The following RSU1 variants were observed in gnomAD, a reference collection of about 807,000 sequenced individuals.
RSU1 encodes the protein rsu-1.
RSU1 carries 26 observed loss-of-function variants against 31.1 expected under a neutral mutation model. That is an observed-to-expected ratio of 0.84 (90% confidence interval 0.61 to 1.16). RSU1 has a LOEUF of 1.16. Among genes scored for constraint, RSU1 ranks in the 50% most tolerant of loss-of-function variants. The pLI is 0.00. For missense variants in RSU1, 320 were observed against 339.1 expected (o/e 0.94, Z 0.44); for synonymous variants, 164 against 136.3 (o/e 1.20, Z -1.41).
chr10:16,681,346 G>A (rs549025681), intron 8 of RSU1, among the ~76,000 whole-genome samples: 130 of 152,158 alleles, frequency 8.5e-4, no homozygotes, highest in African/African-American at 2.9e-3. Context: ...CTGAAGAATC[G>A]AAACTGTCAG....
rs752688583 is a variant in RSU1, at chr10:16,782,047, A to T, written c.147T>A (p.His49Gln). ...AACATCACTTACTTGTTAGCTTGTT[A>T]TGGCTGAGGACCAGTTGTGTGATAT... ...LSHITQLVLS[H>Q]NKLTMVPPNI... The change falls in exon 3 of 9, where the codon CAT becomes CAA. Residue 49 changes from histidine (H) to glutamine (Q), a missense_variant. Transcript: ENST00000345264. 1.9e-6 allele frequency: 3 copies of T among 1,613,182 alleles called. No homozygotes were observed. The highest frequency in any genetic ancestry group is 2.5e-6 in the Non-Finnish European group (3 of 1,179,586).
At chr10:16,648,009 C>T (rs767586794) in intron 8 of RSU1, among the ~76,000 whole-genome samples, 2 of 151,926 alleles carry the variant, frequency 1.3e-5, no homozygotes, top group Non-Finnish European at 2.9e-5. Context: ...AGTGTGGTGG[C>T]CTGCTCAGGG....
intron 7 of RSU1, among the ~76,000 whole-genome samples, chr10:16,733,438 G>A (rs964843336): frequency 6.6e-6 from 1 of 151,836 alleles, no homozygotes; most frequent in Non-Finnish European, 1.5e-5. Flanking sequence ...AACCCAGGAG[G>A]CAGAGGGTGC....
intron 8 of RSU1, among the ~76,000 whole-genome samples, chr10:16,689,442 G>A (rs1365191245): frequency 6.6e-6 from 1 of 152,236 alleles, no homozygotes; most frequent in Admixed American, 6.5e-5. Flanking sequence ...GTCACTAGAG[G>A]ATATAGTAGT....
At chr10:16,736,193 T>A (rs1031369124) in intron 7 of RSU1, among the ~76,000 whole-genome samples, 2 of 151,970 alleles carry the variant, frequency 1.3e-5, no homozygotes, top group African/African-American at 2.4e-5. Context: ...AAATATTAAC[T>A]ACAATGTTCA....
At position 16,708,379 on chromosome 10, in the gene RSU1, A is replaced by G. The variant is rs77170016; in HGVS notation, c.599-13224T>C. On this transcript the variant is annotated intron_variant, in intron 7 of 8. Coordinates refer to ENST00000345264, the MANE Select transcript of RSU1 (RefSeq NM_012425.4). The stretch of plus-strand genomic sequence containing the variant: ...CATCCTCATTGTCTTCCTGGTGAGT[A>G]GGCTTCCTGTTGAGGGATTTGTCTT... 3.3e-3 allele frequency among the ~76,000 whole-genome samples: 500 copies of G among 152,284 alleles called. 4 individuals are homozygous for G. Among genetic ancestry groups the G allele is most frequent in the African/African-American group, 0.011 (472 of 41,552 alleles).
intron 2 of RSU1, among the ~76,000 whole-genome samples, chr10:16,803,532 A>T (rs1266383423): frequency 6.6e-6 from 1 of 152,200 alleles, no homozygotes; most frequent in African/African-American, 2.4e-5. Context: ...CAGCCAATGC[A>T]ATATTGAAGA....
intron 4 of RSU1, among the ~76,000 whole-genome samples, chr10:16,762,312 AATAGAT>A (rs1391505490): frequency 2.0e-5 from 3 of 151,124 alleles, no homozygotes; most frequent in African/African-American, 7.3e-5. Flanking sequence ...ATATATATAA[AATAGAT>A]ATAATGTGTA....
intron 7 of RSU1, among the ~76,000 whole-genome samples, chr10:16,697,895 ACTC>A (rs1835712704): frequency 6.8e-6 from 1 of 147,520 alleles, no homozygotes; most frequent in Non-Finnish European, 1.5e-5. Context: ...GTAGAATTTT[ACTC>A]TGTTGAAGAA....
At chr10:16,772,429 TACA>T (rs1457239091) in intron 3 of RSU1, among the ~76,000 whole-genome samples, 1 of 152,038 alleles carries the variant, frequency 6.6e-6, no homozygotes, top group Admixed American at 6.6e-5. Context: ...TAAATTGCAC[TACA>T]ATTCTGATGT....
intron 8 of RSU1, among the ~76,000 whole-genome samples, chr10:16,645,797 ACT>A (rs1232700814): frequency 6.8e-6 from 1 of 147,400 alleles, no homozygotes; most frequent in Admixed American, 6.9e-5. Context: ...ACAGAGCGAG[ACT>A]CTGTCACAAA....
chr10:16,627,784 A>T (rs924128598), intron 8 of RSU1, among the ~76,000 whole-genome samples: 2 of 149,138 alleles, frequency 1.3e-5, no homozygotes, highest in African/African-American at 5.0e-5. Context: ...AAAAAAAAAG[A>T]AGTAACCGAA....
At chr10:16,786,398 G>A (rs1249970933) in intron 2 of RSU1, among the ~76,000 whole-genome samples, 1 of 152,046 alleles carries the variant, frequency 6.6e-6, no homozygotes, top group Non-Finnish European at 1.5e-5. Flanking sequence ...GCACTTTCTT[G>A]CCTTCTGACA....
intron 7 of RSU1, among the ~76,000 whole-genome samples, chr10:16,742,287 G>A (rs1428468949): frequency 6.6e-6 from 1 of 152,082 alleles, no homozygotes; most frequent in Non-Finnish European, 1.5e-5. Context: ...AAGAATTCTG[G>A]AAAGGTCTAA....
intron 8 of RSU1, among the ~76,000 whole-genome samples, chr10:16,670,822 C>T (rs758977464): frequency 3.3e-5 from 5 of 152,140 alleles, no homozygotes; most frequent in East Asian, 1.9e-4. Flanking sequence ...TGGAGTCCAA[C>T]GGCACAATCT....
chr10:16,619,895 A>G (rs1443620628), intron 8 of RSU1, among the ~76,000 whole-genome samples: 2 of 152,202 alleles, frequency 1.3e-5, no homozygotes, highest in African/African-American at 4.8e-5. Context: ...CTATTTTCGT[A>G]TATTTCTTTC....
intron 7 of RSU1, among the ~76,000 whole-genome samples, chr10:16,740,276 T>C (rs903827632): frequency 3.9e-5 from 6 of 151,994 alleles, no homozygotes; most frequent in East Asian, 1.9e-4. Context: ...CACATAGACA[T>C]AGAAAAGGCA....
At chr10:16,695,186 A>G (rs757595849) in intron 7 of RSU1, 31 bp from the exon 8 acceptor site, 33 of 1,577,652 alleles carry the variant, frequency 2.1e-5, no homozygotes, top group Non-Finnish European at 2.8e-5. Context: ...AGTGAAGGTC[A>G]CTTCATCCAA....
rs527940047 is a variant in RSU1 at position 16,701,316 on chromosome 10, G to A, written c.599-6161C>T. Among the ~76,000 whole-genome samples the A allele has an allele frequency of 3.9e-5, 6 of 152,290 alleles. No homozygotes were observed. In the East Asian group the frequency reaches 7.7e-4, roughly 20 times the overall value. On this transcript the variant is annotated intron_variant, in intron 7 of 8. Coordinates refer to ENST00000345264, the MANE Select transcript of RSU1 (RefSeq NM_012425.4). The stretch of plus-strand genomic sequence containing the variant: ...TTGTGGCCCATTCTCTTCTGTCTGC[G>A]TAATAGATGACGGTCTAAAAACCTA...
Sources: gnomAD v4.1 joint callset for allele counts (sites outside exome capture counted in the v4.1 genomes callset) on GRCh38, gnomAD v4.1.1 for gene constraint, MANE v1.5 for transcripts, NCBI Gene and HGNC (gene_info 2026-07-23, HGNC 2026-07-21) for gene names.